Variants in CMKLR1 observed in about 807,000 individuals in gnomAD.
CMKLR1 encodes chemerin chemokine-like receptor 1.
CMKLR1 carries 6 observed loss-of-function variants against 8.2 expected under a neutral mutation model. That is an observed-to-expected ratio of 0.73 (90% CI 0.40 to 1.44). CMKLR1 has a LOEUF of 1.44. CMKLR1 is among the 40% of genes most tolerant of loss of function. CMKLR1 has a pLI of 0.02. For missense variants in CMKLR1, 429 were observed against 478.0 expected, an observed-to-expected ratio of 0.90 and a Z score of 0.96; for synonymous variants, 178 against 181.2, an observed-to-expected ratio of 0.98 and a Z score of 0.14.
chr12:108,321,432 C>CA (rs1230244973), intron 2 of CMKLR1, among the ~76,000 whole-genome samples: 2 of 151,336 alleles, frequency 1.3e-5, no homozygotes, highest in Admixed American at 1.3e-4. Flanking sequence ...ACCCTGTCTC[C>CA]AAAAAAATAA....
intron 2 of CMKLR1, 41 bp from the exon 3 acceptor site, chr12:108,293,705 C>T: frequency 5.0e-6 from 6 of 1,206,538 alleles, no homozygotes; most frequent in Non-Finnish European, 7.0e-6. Context: ...CAATTGGATC[C>T]AGGTCTAAGA....
intron 2 of CMKLR1, among the ~76,000 whole-genome samples, chr12:108,304,032 G>A (rs1891344821): frequency 6.6e-6 from 1 of 152,182 alleles, no homozygotes; most frequent in Admixed American, 6.5e-5. Context: ...TTTACCAACG[G>A]GGATGTCTGA....
At chr12:108,334,094 G>C (rs1458883394) in intron 1 of CMKLR1, among the ~76,000 whole-genome samples, 1 of 152,282 alleles carries the variant, frequency 6.6e-6, no homozygotes, top group Non-Finnish European at 1.5e-5. Context: ...GGAATGTCAC[G>C]TAACCAATCA....
Position 108,307,726 on chromosome 12 carries a change from T to C in CMKLR1, c.-73-14062A>G, listed in dbSNP as rs577035134. ...GCTCTGCAAAGCGTGTTTCACTTTATTCAAGTCCCTCAGCTGAAACCAAGC... is the reference window on the plus strand; with the variant it reads ...GCTCTGCAAAGCGTGTTTCACTTTACTCAAGTCCCTCAGCTGAAACCAAGC... On this transcript the variant is annotated intron_variant, in intron 2 of 3. Coordinates refer to ENST00000550402, the MANE Select transcript of CMKLR1 (RefSeq NM_001142343.2). Among the ~76,000 whole-genome samples, 18 of 152,358 alleles carry C rather than the reference T, an allele frequency of 1.2e-4. No homozygotes were observed. In the East Asian group the frequency reaches 3.1e-3, roughly 26 times the overall value.
At chr12:108,310,461 A>G (rs1365682275) in intron 2 of CMKLR1, among the ~76,000 whole-genome samples, 1 of 152,006 alleles carries the variant, frequency 6.6e-6, no homozygotes, top group Non-Finnish European at 1.5e-5. Flanking sequence ...TTCCAGGCCT[A>G]CCCAGAAAGT....
chr12:108,310,486 C>T (rs1891527923), intron 2 of CMKLR1, among the ~76,000 whole-genome samples: 1 of 152,142 alleles, frequency 6.6e-6, no homozygotes, highest in Non-Finnish European at 1.5e-5. Context: ...TTTTTGGAGG[C>T]TCCAGGCATC....
At chr12:108,331,015 G>T (rs1200246682) in intron 1 of CMKLR1, among the ~76,000 whole-genome samples, 3 of 152,144 alleles carry the variant, frequency 2.0e-5, no homozygotes, top group Non-Finnish European at 4.4e-5. Flanking sequence ...AAGAGAAGGA[G>T]CCCTTGTGCT....
chr12:108,327,533 C>T (rs2137338934), intron 2 of CMKLR1, among the ~76,000 whole-genome samples: 1 of 152,318 alleles, frequency 6.6e-6, no homozygotes, highest in East Asian at 1.9e-4. Context: ...TGAGTGAACA[C>T]ACATCATCTC....
At chr12:108,294,850 T>C (rs1891089596) in intron 2 of CMKLR1, among the ~76,000 whole-genome samples, 1 of 152,244 alleles carries the variant, frequency 6.6e-6, no homozygotes, top group South Asian at 2.1e-4. Context: ...AACTCCAACC[T>C]TCCTGCACAT....
intron 2 of CMKLR1, among the ~76,000 whole-genome samples, chr12:108,302,462 C>A (rs1312639100): frequency 2.0e-5 from 3 of 152,216 alleles, no homozygotes; most frequent in Non-Finnish European, 4.4e-5. Flanking sequence ...ATTAAGGAAG[C>A]ATTTCAGGAA....
chr12:108,303,902 G>A (rs1456206456), intron 2 of CMKLR1, among the ~76,000 whole-genome samples: 1 of 152,208 alleles, frequency 6.6e-6, no homozygotes, highest in Non-Finnish European at 1.5e-5. Flanking sequence ...AGGACATGTG[G>A]AGCCTTCTGC....
intron 2 of CMKLR1, among the ~76,000 whole-genome samples, chr12:108,297,506 T>A (rs983241900): frequency 4.6e-5 from 7 of 152,198 alleles, no homozygotes. Context: ...CCAGTGTACA[T>A]AATATGTACA....
chr12:108,314,717 G>A (rs945721804), intron 2 of CMKLR1, among the ~76,000 whole-genome samples: 2 of 151,212 alleles, frequency 1.3e-5, no homozygotes, highest in African/African-American at 4.9e-5. Flanking sequence ...GTGATAAGTG[G>A]GACACTACTC....
intron 3 of CMKLR1, 129 bp from the exon 4 acceptor site, chr12:108,293,088 T>A: frequency 1.2e-6 from 1 of 833,130 alleles, no homozygotes; most frequent in Non-Finnish European, 1.8e-6. Flanking sequence ...AACCATTTCC[T>A]TCTTTGCTAT....
At position 108,331,000 on chromosome 12, in the gene CMKLR1, G is replaced by C. The variant is rs78543582; in HGVS notation, c.-286-793C>G. Among the ~76,000 whole-genome samples the C allele has an allele frequency of 1.4e-3, 219 of 152,228 alleles. 4 individuals carry two copies. The East Asian group carries it at 0.021, about 14-fold the overall frequency. On this transcript the variant is annotated intron_variant, in intron 1 of 3. Transcript: ENST00000550402. Reference sequence around the variant, plus strand: ...CAAAAATGAACCTCCTCTCTTACAGGGGGGAAGAGAAGGAGCCCTTGTGCT... The same window carrying C: ...CAAAAATGAACCTCCTCTCTTACAGCGGGGAAGAGAAGGAGCCCTTGTGCT...
chr12:108,303,034 C>T (rs78853758), intron 2 of CMKLR1, among the ~76,000 whole-genome samples: 4,813 of 152,286 alleles, frequency 0.032, 102 homozygotes, highest in Non-Finnish European at 0.049. Flanking sequence ...GGGGCTCATG[C>T]TTGGGTGGTG....
chr12:108,335,920 T>C (rs1169079304), intron 1 of CMKLR1, among the ~76,000 whole-genome samples: 3 of 152,236 alleles, frequency 2.0e-5, no homozygotes, highest in Non-Finnish European at 2.9e-5. Context: ...TGCTGGGGGA[T>C]TGCTAACACG....
chr12:108,297,664 C>T (rs530808074), intron 2 of CMKLR1, among the ~76,000 whole-genome samples: 3 of 152,322 alleles, frequency 2.0e-5, no homozygotes, highest in Admixed American at 2.0e-4. Context: ...CAGCAGGGAG[C>T]TCTGACTCCA....
At chr12:108,300,739 C>A (rs1408598748) in intron 2 of CMKLR1, among the ~76,000 whole-genome samples, 1 of 152,174 alleles carries the variant, frequency 6.6e-6, no homozygotes, top group Admixed American at 6.5e-5. Flanking sequence ...CAAGGACCCA[C>A]CTCCTAGGGC....
Sources: allele counts gnomAD v4.1 joint callset (sites outside exome capture counted in the v4.1 genomes callset), GRCh38; gene constraint gnomAD v4.1.1; transcripts MANE v1.5; gene names NCBI Gene and HGNC (gene_info 2026-07-23, HGNC 2026-07-21).